Variants in SDK1 observed in about 807,000 individuals in gnomAD.
SDK1 encodes the protein sidekick cell adhesion molecule 1.
SDK1 carries 157 observed loss-of-function variants against 245.5 expected under a neutral mutation model. That is an observed-to-expected ratio of 0.64 (90% CI 0.56 to 0.73). The LOEUF is 0.73. SDK1 is among the 30% of genes least tolerant of loss of function. The pLI, the probability that SDK1 is intolerant of heterozygous loss-of-function variation, is 0.00. For synonymous variants in SDK1, 1,647 were observed against 1,278.5 expected (o/e 1.29, Z -6.15); for missense variants, 3,583 against 3,002.3 (o/e 1.19, Z -4.52).
chr7:3,890,048 C>T (rs565833352), intron 5 of SDK1, among the ~76,000 whole-genome samples: 1 of 152,244 alleles, frequency 6.6e-6, no homozygotes, highest in South Asian at 2.1e-4. Flanking sequence ...CCTAAATGCT[C>T]AAATCAGACA....
intron 1 of SDK1, among the ~76,000 whole-genome samples, chr7:3,430,161 A>T (rs1260591191): frequency 6.6e-6 from 1 of 152,172 alleles, no homozygotes; most frequent in African/African-American, 2.4e-5. Flanking sequence ...ATCTGCCTTC[A>T]TCTCCGCATG....
At chr7:4,146,728 AGAACTGCCGGGCGAGC>A (rs1780009213) in intron 29 of SDK1, among the ~76,000 whole-genome samples, 1 of 152,230 alleles carries the variant, frequency 6.6e-6, no homozygotes, top group East Asian at 1.9e-4. Context: ...CTTCCCAATG[AGAACTGCCGGGCGAGC>A]AGGGCTCTGC....
intron 20 of SDK1, among the ~76,000 whole-genome samples, chr7:4,073,832 G>T (rs1780430273): frequency 6.6e-6 from 1 of 152,212 alleles, no homozygotes; most frequent in Non-Finnish European, 1.5e-5. Flanking sequence ...AACAGCGAAA[G>T]TGAGACTTTT....
chr7:3,832,928 TA>T (rs1779945806), intron 5 of SDK1, among the ~76,000 whole-genome samples: 1 of 152,078 alleles, frequency 6.6e-6, no homozygotes, highest in Non-Finnish European at 1.5e-5. Context: ...CTTGTCAGTG[TA>T]AACTGTTATT....
intron 1 of SDK1, among the ~76,000 whole-genome samples, chr7:3,388,992 G>T (rs1162535857): frequency 6.6e-6 from 1 of 152,216 alleles, no homozygotes; most frequent in Non-Finnish European, 1.5e-5. Flanking sequence ...ATTATCCTGT[G>T]ATACAGAATC....
intron 5 of SDK1, among the ~76,000 whole-genome samples, chr7:3,941,289 G>T (rs751618023): frequency 6.6e-6 from 1 of 151,966 alleles, no homozygotes; most frequent in Non-Finnish European, 1.5e-5. Context: ...GTAGGCTTTG[G>T]TTGTGGCTCC....
intron 1 of SDK1, among the ~76,000 whole-genome samples, chr7:3,307,988 A>T (rs565451668): frequency 6.6e-6 from 1 of 152,208 alleles, no homozygotes; most frequent in South Asian, 2.1e-4. Context: ...TCTTCATTTT[A>T]CTTTTCTCAG....
intron 20 of SDK1, among the ~76,000 whole-genome samples, chr7:4,074,861 TC>T: frequency 1.1e-5 from 1 of 89,926 alleles, no homozygotes; most frequent in Non-Finnish European, 2.0e-5. Context: ...AGACTTTCTC[TC>T]TCTCTCTCTC....
intron 22 of SDK1, 111 bp from the exon 23 acceptor site, chr7:4,110,552 C>T (rs151307538): frequency 5.1e-5 from 37 of 725,996 alleles, no homozygotes; most frequent in Middle Eastern, 7.7e-4. Flanking sequence ...GGTGTGGGGA[C>T]GCCTTGCAGC....
At chr7:4,235,407 G>A (rs879877522) in intron 41 of SDK1, among the ~76,000 whole-genome samples, 3 of 152,128 alleles carry the variant, frequency 2.0e-5, no homozygotes, top group East Asian at 1.9e-4. Flanking sequence ...CAAGTGATCC[G>A]CCTGCCTTGG....
At chr7:3,349,108 C>G (rs902410283) in intron 1 of SDK1, among the ~76,000 whole-genome samples, 1 of 152,070 alleles carries the variant, frequency 6.6e-6, no homozygotes, top group South Asian at 2.1e-4. Context: ...CATTTCCCTT[C>G]TGGATTCTTG....
intron 1 of SDK1, among the ~76,000 whole-genome samples, chr7:3,349,926 A>G (rs752310872): frequency 1.3e-5 from 2 of 152,312 alleles, no homozygotes; most frequent in African/African-American, 2.4e-5. Context: ...TCTTAAGACC[A>G]CATCCTGGAT....
intron 4 of SDK1, among the ~76,000 whole-genome samples, chr7:3,647,557 C>G (rs543054590): frequency 9.2e-5 from 14 of 152,176 alleles, no homozygotes; most frequent in African/African-American, 3.4e-4. Flanking sequence ...CTCCAGAGCA[C>G]CTGGGATTAC....
intron 42 of SDK1, 135 bp from the exon 43 acceptor site, chr7:4,241,658 G>A: frequency 9.6e-7 from 1 of 1,037,612 alleles, no homozygotes. Flanking sequence ...AAGCACAGCT[G>A]AAGCAGGTAT....
At chr7:3,732,104 A>C (rs373647314) in intron 4 of SDK1, among the ~76,000 whole-genome samples, 1 of 152,176 alleles carries the variant, frequency 6.6e-6, no homozygotes, top group Non-Finnish European at 1.5e-5. Flanking sequence ...TTTTATTTTT[A>C]AGATGGAAGG....
Position 3,797,786 on chromosome 7 carries a change from G to A in SDK1, c.714-23664G>A, listed in dbSNP as rs1778999123. Among the ~76,000 whole-genome samples, 3 of 152,104 alleles carry A rather than the reference G, an allele frequency of 2.0e-5. No individual in the cohort carries two copies. In the South Asian group the frequency reaches 6.2e-4, roughly 32 times the overall value. ...ATGGTTCCTTGATGTTTTCAGAACTGTTTCTCTCCTGTTGATTTCTAGCTC... is the reference window on the plus strand; with the variant it reads ...ATGGTTCCTTGATGTTTTCAGAACTATTTCTCTCCTGTTGATTTCTAGCTC... On this transcript the variant is annotated intron_variant, in intron 4 of 44. Transcript: ENST00000404826.
At chr7:3,762,863 A>G (rs1284043100) in intron 4 of SDK1, among the ~76,000 whole-genome samples, 1 of 152,210 alleles carries the variant, frequency 6.6e-6, no homozygotes, top group African/African-American at 2.4e-5. Flanking sequence ...ACACATTTAA[A>G]TGATTGATTT....
intron 28 of SDK1, among the ~76,000 whole-genome samples, chr7:4,141,781 G>C (rs980136742): frequency 6.6e-6 from 1 of 152,194 alleles, no homozygotes; most frequent in Non-Finnish European, 1.5e-5. Context: ...TTTTGAGACA[G>C]AGTCTCGCTC....
At chr7:3,758,921 C>G (rs186588260) in intron 4 of SDK1, among the ~76,000 whole-genome samples, 207 of 152,296 alleles carry the variant, frequency 1.4e-3, no homozygotes, top group African/African-American at 4.8e-3. Flanking sequence ...CCGTGAGTTT[C>G]TACAAGTATT....
Sources: allele counts gnomAD v4.1 joint callset (sites outside exome capture counted in the v4.1 genomes callset), GRCh38; gene constraint gnomAD v4.1.1; transcripts MANE v1.5; gene names NCBI Gene and HGNC (gene_info 2026-07-23, HGNC 2026-07-21).